The following RAB5C variants were observed in gnomAD, a reference collection of about 807,000 sequenced individuals.
RAB5C encodes the protein RAB5C, member RAS oncogene family.
Under a neutral mutation model 25.2 loss-of-function variants are expected in RAB5C, and 4 were observed. The observed-to-expected ratio is 0.16, with a 90% CI of 0.08 to 0.36. The LOEUF (loss-of-function observed/expected upper bound fraction) is 0.36, where lower values mean the gene tolerates loss of function less well. Ranked by LOEUF, RAB5C falls within the 10% of genes least tolerant of loss-of-function variation. The pLI, the probability that RAB5C is intolerant of heterozygous loss-of-function variation, is 1.00. For synonymous variants in RAB5C, 100 were observed against 106.4 expected (o/e 0.94, Z 0.37); for missense variants, 199 against 283.8 (o/e 0.70, Z 2.15).
rs2144056319 is a variant in RAB5C at position 42,125,731 on chromosome 17, AGTCGG to A, written c.*47_*51del. On this transcript the variant is annotated 3_prime_UTR_variant, in exon 6 of 6. Transcript: ENST00000346213. The stretch of plus-strand genomic sequence containing the variant: ...AGTGCGATTGGTTAGAGTGGATTCC[AGTCGG>A]GTCATTCAGGCGGAGGAGGCGGGGG... 1 of 1,319,884 alleles carries A rather than the reference AGTCGG, an allele frequency of 7.6e-7. No individual in the cohort carries two copies. The highest frequency in any genetic ancestry group is 2.5e-5 in the East Asian group (1 of 40,438). 81.8% of individuals were successfully genotyped at this position (1,319,884 alleles called of 1,614,324 possible).
chr17:42,141,626 A>G (rs1213386917), intron 1 of RAB5C, among the ~76,000 whole-genome samples: 1 of 152,202 alleles, frequency 6.6e-6, no homozygotes, highest in Non-Finnish European at 1.5e-5. Flanking sequence ...CCTACTGCAC[A>G]GAGCTTAAGA....
chr17:42,144,066 G>T (rs1021649184), intron 1 of RAB5C, among the ~76,000 whole-genome samples: 5 of 152,026 alleles, frequency 3.3e-5, no homozygotes, highest in African/African-American at 1.2e-4. Context: ...GAATACAAAC[G>T]CGAGCCACTG....
chr17:42,128,315 A>C lies in RAB5C; in HGVS notation c.387T>G (p.Ile129Met). 6.2e-7 allele frequency: 1 copy of C among 1,614,128 alleles called. No individual in the cohort carries two copies. The highest frequency in any genetic ancestry group is 8.5e-7 in the Non-Finnish European group (1 of 1,180,008). The change falls in exon 4 of 6, where the codon ATT becomes ATG. Residue 129 changes from isoleucine to methionine, a missense_variant. Ile to Met is a conservative substitution (Grantham distance 10). Around this residue, in one of 3 missense-constraint regions of RAB5C, gnomAD observed 154 missense variants for 199.6 expected, o/e 0.77. Coordinates refer to ENST00000346213, the MANE Select transcript of RAB5C (RefSeq NM_004583.4). Reference protein sequence around the residue: ...LQRQASPNIVIALAGNKADLA... With the variant: ...LQRQASPNIVMALAGNKADLA... Reference sequence around the variant, plus strand: ...GGTCTGCCTTGTTACCCGCGAGTGCAATGACGATGTTGGGGCTGGCCTGCC... The same window carrying C: ...GGTCTGCCTTGTTACCCGCGAGTGCCATGACGATGTTGGGGCTGGCCTGCC...
intron 1 of RAB5C, among the ~76,000 whole-genome samples, chr17:42,140,442 G>C (rs1011134793): frequency 6.9e-6 from 1 of 144,596 alleles, no homozygotes; most frequent in Non-Finnish European, 1.5e-5. Context: ...GAGGGACGAT[G>C]GCTATTCTCA....
At chr17:42,135,863 G>A (rs2054531575) in intron 1 of RAB5C, among the ~76,000 whole-genome samples, 1 of 152,136 alleles carries the variant, frequency 6.6e-6, no homozygotes, top group Non-Finnish European at 1.5e-5. Flanking sequence ...GAGAGTCCTG[G>A]CACAGCCTGG....
In RAB5C at chr17:42,125,584, G is replaced by T. The variant is rs1267123240; in HGVS notation, c.*199C>A. 2.0e-5 allele frequency: 11 copies of T among 542,768 alleles called. No individual in the cohort carries two copies. The highest frequency in any genetic ancestry group is 3.3e-5 in the Non-Finnish European group (10 of 305,960). 33.6% of individuals were successfully genotyped at this position (542,768 alleles called of 1,614,324 possible). ...AAAAAGTGACTTAAGACTTAAAATT[G>T]AATTAGTATTTGTACAGAAAGGTGC... On this transcript the variant is annotated 3_prime_UTR_variant, in exon 6 of 6. Transcript: ENST00000346213.
chr17:42,133,583 G>A (rs1487404257), intron 1 of RAB5C, among the ~76,000 whole-genome samples: 1 of 152,204 alleles, frequency 6.6e-6, no homozygotes, highest in African/African-American at 2.4e-5. Context: ...AGCATCTGCA[G>A]GTGAAGCACA....
At chr17:42,130,705 C>CCCTCA in intron 1 of RAB5C, 115 bp from the exon 2 acceptor site, 1 of 1,318,322 alleles carries the variant, frequency 7.6e-7, no homozygotes, top group South Asian at 1.6e-5. Context: ...TGACTGCTTC[C>CCCTCA]CCTCACCTCA....
In RAB5C at chr17:42,125,816, G is replaced by A; in HGVS notation, c.618C>T (p.Asn206=). 1 of 1,610,074 alleles carries A rather than the reference G, an allele frequency of 6.2e-7. No individual in the cohort carries two copies. Among genetic ancestry groups the A allele is most frequent in the Non-Finnish European group, 8.5e-7 (1 of 1,178,522 alleles). ...TGCAGCACTGGCTCCGGCTGGCTGG[G>A]TTGTTCTCCTGGAGGTCCACACCTC... ...RNRGVDLQEN[N]PASRSQCCSN The change falls in exon 6 of 6, where the codon AAC becomes AAT. Residue 206 remains asparagine, a synonymous_variant. Coordinates refer to ENST00000346213, the MANE Select transcript of RAB5C (RefSeq NM_004583.4).
chr17:42,146,270 G>C (rs2079634435), intron 1 of RAB5C, among the ~76,000 whole-genome samples: 1 of 152,108 alleles, frequency 6.6e-6, no homozygotes, highest in Admixed American at 6.5e-5. Context: ...AAAAATCTAA[G>C]GAAATCTGAA....
intron 1 of RAB5C, among the ~76,000 whole-genome samples, chr17:42,132,083 T>A (rs905294374): frequency 7.2e-5 from 11 of 152,172 alleles, no homozygotes; most frequent in Non-Finnish European, 1.5e-4. Flanking sequence ...GACAGCAATG[T>A]GGATGAACAG....
At chr17:42,152,163 G>T (rs1372176911) in intron 1 of RAB5C, among the ~76,000 whole-genome samples, 1 of 151,926 alleles carries the variant, frequency 6.6e-6, no homozygotes, top group East Asian at 1.9e-4. Context: ...AAACAAAGTG[G>T]GGAAACAAGC....
rs146364521 is a variant in RAB5C, at chr17:42,149,570, C to G, written c.-89+5323G>C. On this transcript the variant is annotated intron_variant, in intron 1 of 5. Coordinates refer to ENST00000346213, the MANE Select transcript of RAB5C (RefSeq NM_004583.4). ...GCACTCCAGCCTGGGTGAGAGAGGCCCTGTCTCAAAAATAAATAAATTAAT... is the reference window on the plus strand; with the variant it reads ...GCACTCCAGCCTGGGTGAGAGAGGCGCTGTCTCAAAAATAAATAAATTAAT... Among the ~76,000 whole-genome samples the G allele has an allele frequency of 9.9e-5, 15 of 152,034 alleles. No homozygotes were observed. The East Asian group carries it at 2.7e-3, about 27-fold the overall frequency.
intron 1 of RAB5C, among the ~76,000 whole-genome samples, chr17:42,144,776 A>G (rs1227675406): frequency 6.6e-6 from 1 of 151,560 alleles, no homozygotes; most frequent in Non-Finnish European, 1.5e-5. Context: ...AAAATACAAA[A>G]ATTAGCTGGG....
rs576041544 is a variant in RAB5C, at chr17:42,130,932, C to G, written c.-88-342G>C. Among the ~76,000 whole-genome samples the G allele has an allele frequency of 1.3e-4, 20 of 152,230 alleles. 1 individual carries two copies. In the South Asian group the frequency reaches 2.1e-3, roughly 16 times the overall value. On this transcript the variant is annotated intron_variant, in intron 1 of 5. Transcript: ENST00000346213. ...GAATGAATGTGTGACAGCCTGGTGACAGTTAAGTCAACAGGCTTTTGGGGC... is the reference window on the plus strand; with the variant it reads ...GAATGAATGTGTGACAGCCTGGTGAGAGTTAAGTCAACAGGCTTTTGGGGC...
intron 1 of RAB5C, among the ~76,000 whole-genome samples, chr17:42,134,450 G>A (rs140530009): frequency 7.1e-4 from 108 of 152,234 alleles, no homozygotes; most frequent in African/African-American, 2.5e-3. Flanking sequence ...GGTGGTACAC[G>A]CCTGTAATCC....
At chr17:42,131,104 G>T (rs1351051621) in intron 1 of RAB5C, among the ~76,000 whole-genome samples, 1 of 152,166 alleles carries the variant, frequency 6.6e-6, no homozygotes, top group Admixed American at 6.5e-5. Context: ...CTCAGAGAAG[G>T]TGCTTGGCCA....
chr17:42,153,709 C>T (rs2079687095), intron 1 of RAB5C, among the ~76,000 whole-genome samples: 2 of 152,194 alleles, frequency 1.3e-5, no homozygotes. Context: ...CCGGCCTGTA[C>T]TTTGGCCACA....
intron 1 of RAB5C, among the ~76,000 whole-genome samples, chr17:42,150,485 A>C (rs1047290090): frequency 3.9e-4 from 53 of 135,208 alleles, no homozygotes; most frequent in Non-Finnish European, 6.2e-5. Flanking sequence ...CAGAGGTTGC[A>C]GTGAGCCAAG....
Sources: allele counts gnomAD v4.1 joint callset (sites outside exome capture counted in the v4.1 genomes callset), GRCh38; gene constraint gnomAD v4.1.1; regional missense constraint gnomAD v4.1.1; transcripts MANE v1.5; gene names NCBI Gene and HGNC (gene_info 2026-07-23, HGNC 2026-07-21).